The following ADGRL2 variants were observed in gnomAD, a reference collection of about 807,000 sequenced individuals.
ADGRL2 encodes the protein adhesion G protein-coupled receptor L2.
Under a neutral mutation model 157.4 loss-of-function variants are expected in ADGRL2, and 44 were observed. The observed-to-expected ratio is 0.28, with a 90% confidence interval of 0.22 to 0.36. The LOEUF is 0.36. Among genes scored for constraint, ADGRL2 ranks in the 10% least tolerant of loss-of-function variants. ADGRL2 has a pLI of 1.00. For missense variants in ADGRL2, 1,510 were observed against 1,768.9 expected, an observed-to-expected ratio of 0.85 and a Z score of 2.63; for synonymous variants, 585 against 624.7, an observed-to-expected ratio of 0.94 and a Z score of 0.95.
At chr1:81,659,327 G>T (rs964722118) in intron 3 of ADGRL2, among the ~76,000 whole-genome samples, 3 of 152,142 alleles carry the variant, frequency 2.0e-5, no homozygotes, top group Non-Finnish European at 4.4e-5. Context: ...CTTCCAGAGT[G>T]CTGGGATTAC....
upstream of ADGRL2, among the ~76,000 whole-genome samples, chr1:81,699,442 C>A (rs9729508): frequency 0.13 from 19,452 of 152,162 alleles, 1,671 homozygotes; most frequent in Middle Eastern, 0.2. Context: ...GTTCCCACAC[C>A]TCAGTTAGTC....
chr1:81,915,461 T>C (rs1206385249), intron 3 of ADGRL2, among the ~76,000 whole-genome samples: 1 of 152,164 alleles, frequency 6.6e-6, no homozygotes, highest in Non-Finnish European at 1.5e-5. Context: ...AATTGGCTCA[T>C]TTTCACTGGT....
intron 3 of ADGRL2, among the ~76,000 whole-genome samples, chr1:81,608,318 G>A (rs2081474246): frequency 6.6e-6 from 1 of 152,134 alleles, no homozygotes; most frequent in African/African-American, 2.4e-5. Context: ...CTCCATGCAT[G>A]AGGCATCCGG....
intron 1 of ADGRL2, among the ~76,000 whole-genome samples, chr1:81,726,477 A>T (rs2084533033): frequency 2.0e-5 from 3 of 152,138 alleles, no homozygotes; most frequent in Admixed American, 2.0e-4. Context: ...TAAAATTTAG[A>T]CTTTCTTTTA....
intron 2 of ADGRL2, among the ~76,000 whole-genome samples, chr1:81,545,275 A>G (rs1179969784): frequency 6.7e-6 from 1 of 150,144 alleles, no homozygotes; most frequent in Admixed American, 6.7e-5. Context: ...TAAAAACAGT[A>G]AGACTGACTG....
chr1:81,457,483 C>T (rs575617677), intron 2 of ADGRL2, among the ~76,000 whole-genome samples: 1 of 151,872 alleles, frequency 6.6e-6, no homozygotes, highest in Non-Finnish European at 1.5e-5. Context: ...TATTCTTTAC[C>T]ATTCTCAGAG....
chr1:81,360,048 T>C (rs959720424), intron 1 of ADGRL2, among the ~76,000 whole-genome samples: 3 of 152,056 alleles, frequency 2.0e-5, no homozygotes, highest in Non-Finnish European at 4.4e-5. Flanking sequence ...CTTAAAATGC[T>C]CCAATTACTT....
At chr1:81,518,852 A>G (rs2079243512) in intron 2 of ADGRL2, among the ~76,000 whole-genome samples, 1 of 152,036 alleles carries the variant, frequency 6.6e-6, no homozygotes, top group Non-Finnish European at 1.5e-5. Context: ...ATTAAATGAG[A>G]TATATAACAA....
intron 1 of ADGRL2, among the ~76,000 whole-genome samples, chr1:81,388,827 T>C (rs925745018): frequency 6.6e-6 from 1 of 152,166 alleles, no homozygotes; most frequent in African/African-American, 2.4e-5. Context: ...CGATACTCAA[T>C]GCAATCCTCT....
At chr1:81,818,867 A>C (rs1168136495) in intron 1 of ADGRL2, among the ~76,000 whole-genome samples, 2 of 152,172 alleles carry the variant, frequency 1.3e-5, no homozygotes, top group Non-Finnish European at 2.9e-5. Flanking sequence ...AACTGAAGGC[A>C]GAGGAGGATT....
At chr1:81,955,747 G>A in intron 10 of ADGRL2, 130 bp from the exon 11 acceptor site, 2 of 586,276 alleles carry the variant, frequency 3.4e-6, no homozygotes, top group South Asian at 2.6e-5. Flanking sequence ...TTGTCTAGGT[G>A]TTCTTCCATC....
chr1:81,969,205 C>G lies in ADGRL2; in HGVS notation c.2551C>G (p.Leu851Val), dbSNP rs1658006775. 3 of 1,613,654 alleles carry G rather than the reference C, an allele frequency of 1.9e-6. No individual in the cohort carries two copies. The African/African-American group carries it at 4.0e-5, about 22-fold the overall frequency. Residue 851 changes from leucine to valine, a missense_variant, in exon 15 of 24, where the codon CTT becomes GTT. Leu to Val is a conservative substitution (Grantham distance 32, BLOSUM62 1). This residue lies in a region of ADGRL2 where 497 missense variants were observed against 627.2 expected (regional missense o/e 0.79). Coordinates refer to ENST00000686636, the MANE Select transcript of ADGRL2 (RefSeq NM_001366006.2). ...AYKDGVHELL[L>V]TVITWVGIVI... ...TAAAGATGGCGTTCATGAATTACTT[C>G]TTACAGTCATCACCTGGGTGGGAAT...
At chr1:81,649,655 T>C (rs2082374584) in intron 3 of ADGRL2, among the ~76,000 whole-genome samples, 1 of 152,342 alleles carries the variant, frequency 6.6e-6, no homozygotes, top group South Asian at 2.1e-4. Flanking sequence ...GTCTGGACTT[T>C]GTGCTAAATA....
At chr1:81,660,029 C>G (rs2082620055) in intron 3 of ADGRL2, among the ~76,000 whole-genome samples, 1 of 152,064 alleles carries the variant, frequency 6.6e-6, no homozygotes, top group East Asian at 1.9e-4. Flanking sequence ...TGATTTTTGC[C>G]CTTTTGACAA....
chr1:81,412,237 A>G (rs963191674), intron 1 of ADGRL2, among the ~76,000 whole-genome samples: 4 of 152,214 alleles, frequency 2.6e-5, no homozygotes, highest in Admixed American at 2.6e-4. Flanking sequence ...CTGGTTCCAA[A>G]GGCAGTGCAT....
chr1:81,549,806 A>G (rs941385281), intron 2 of ADGRL2, among the ~76,000 whole-genome samples: 12 of 152,176 alleles, frequency 7.9e-5, no homozygotes, highest in Non-Finnish European at 1.6e-4. Context: ...TGAGAAGCAA[A>G]TGGGAAGAAA....
chr1:81,417,247 A>C (rs1173132646), intron 1 of ADGRL2, among the ~76,000 whole-genome samples: 5 of 152,158 alleles, frequency 3.3e-5, no homozygotes, highest in Admixed American at 3.3e-4. Flanking sequence ...GATTTCTTTA[A>C]AAACTCACAT....
intron 2 of ADGRL2, among the ~76,000 whole-genome samples, chr1:81,451,355 C>G (rs1474483056): frequency 6.6e-6 from 1 of 152,122 alleles, no homozygotes; most frequent in East Asian, 1.9e-4. Flanking sequence ...TTGCATTTTT[C>G]ATTGATCTCT....
intron 2 of ADGRL2, among the ~76,000 whole-genome samples, chr1:81,876,335 A>C (rs1367296228): frequency 2.0e-5 from 3 of 152,148 alleles, no homozygotes; most frequent in African/African-American, 7.2e-5. Flanking sequence ...ATACTCTGTC[A>C]GGGAATAATA....
Sources: allele counts gnomAD v4.1 joint callset (sites outside exome capture counted in the v4.1 genomes callset), GRCh38; gene constraint gnomAD v4.1.1; regional missense constraint gnomAD v4.1.1; transcripts MANE v1.5; gene names NCBI Gene and HGNC (gene_info 2026-07-23, HGNC 2026-07-21).